The following AP2B1 variants were observed in gnomAD, a reference collection of about 807,000 sequenced individuals.
The protein encoded by AP2B1 is adaptor related protein complex 2 subunit beta 1, also known as AP-2 complex subunit beta.
In AP2B1, 23 loss-of-function variants were observed where a neutral mutation model predicts 102.0. The ratio of observed to expected loss-of-function variants is 0.23; its 90% CI spans 0.16 to 0.32. AP2B1 has a LOEUF of 0.32. AP2B1 is among the 10% of genes least tolerant of loss of function. The pLI, the probability that AP2B1 is intolerant of heterozygous loss-of-function variation, is 1.00. For missense variants in AP2B1, 541 were observed against 1,157.4 expected, an observed-to-expected ratio of 0.47 and a Z score of 7.73; for synonymous variants, 381 against 421.2, an observed-to-expected ratio of 0.90 and a Z score of 1.17.
intron 13 of AP2B1, among the ~76,000 whole-genome samples, chr17:35,655,116 TAAGCTTATGCAGTGGAG>T (rs2075185036): frequency 6.6e-6 from 1 of 152,210 alleles, no homozygotes; most frequent in South Asian, 2.1e-4. Context: ...CGGTCTGATA[TAAGCTTATGCAGTGGAG>T]AATATCTTCA....
intron 12 of AP2B1, among the ~76,000 whole-genome samples, chr17:35,643,654 G>A (rs1478716052): frequency 6.6e-6 from 1 of 152,200 alleles, no homozygotes; most frequent in Non-Finnish European, 1.5e-5. Flanking sequence ...ATTATTAATA[G>A]ACATCTGGAT....
chr17:35,633,502 A>G (rs1451845283), intron 9 of AP2B1, among the ~76,000 whole-genome samples: 1 of 152,180 alleles, frequency 6.6e-6, no homozygotes, highest in African/African-American at 2.4e-5. Flanking sequence ...ACTTCTAAAG[A>G]TCTTATTACA....
chr17:35,634,908 C>G (rs903327194), intron 9 of AP2B1, among the ~76,000 whole-genome samples: 4 of 152,220 alleles, frequency 2.6e-5, no homozygotes, highest in African/African-American at 9.6e-5. Flanking sequence ...AATTCTTATT[C>G]TTTCCTCCTA....
chr17:35,686,612 T>C (rs981512960), intron 18 of AP2B1, among the ~76,000 whole-genome samples: 2 of 152,216 alleles, frequency 1.3e-5, no homozygotes, highest in African/African-American at 4.8e-5. Flanking sequence ...AGCATCATTC[T>C]TTCAAGTTTT....
chr17:35,713,166 C>T (rs1346537636), intron 20 of AP2B1, among the ~76,000 whole-genome samples: 2 of 152,208 alleles, frequency 1.3e-5, no homozygotes, highest in African/African-American at 4.8e-5. Flanking sequence ...CCTTTGATGT[C>T]GTTTCTCAGA....
In AP2B1 at chr17:35,711,751, A is replaced by G. The variant is rs587687522; in HGVS notation, c.2626+1431A>G. On this transcript the variant is annotated intron_variant, in intron 20 of 21. Transcript: ENST00000610402. ...CTCCCAAAGTGCTGGGATTACAGGC[A>G]TGAGCCACTGCACCCAGCCCAGCTT... Among the ~76,000 whole-genome samples the G allele has an allele frequency of 7.7e-4, 117 of 152,336 alleles. 1 individual carries two copies. In the South Asian group the frequency reaches 0.02, roughly 26 times the overall value.
chr17:35,614,884 C>T (rs1036896395), intron 5 of AP2B1, among the ~76,000 whole-genome samples: 7 of 152,052 alleles, frequency 4.6e-5, no homozygotes, highest in African/African-American at 1.7e-4. Context: ...CTAGCCAGCA[C>T]GTAGACACAG....
chr17:35,642,641 G>A (rs2074814739), intron 12 of AP2B1, among the ~76,000 whole-genome samples: 1 of 152,120 alleles, frequency 6.6e-6, no homozygotes, highest in Non-Finnish European at 1.5e-5. Flanking sequence ...TTTGCTAACA[G>A]GCCGGCTTTT....
At position 35,717,271 on chromosome 17, in the gene AP2B1, G is replaced by A. The variant is rs1555590450; in HGVS notation, c.2703G>A (p.Leu901=). Residue 901 remains leucine, a synonymous_variant, in exon 21 of 22, where the codon CTG becomes CTA. Coordinates refer to ENST00000610402, the MANE Select transcript of AP2B1 (RefSeq NM_001030006.2). ...GGAATGTGGAAGGGCAGGACATGCT[G>A]TACCAATCCCTGAAGCTCACTAATG... ...AKRNVEGQDM[L]YQSLKLTNGI... 2 of 1,614,138 alleles carry A rather than the reference G, an allele frequency of 1.2e-6. No individual in the cohort carries two copies. The highest frequency in any genetic ancestry group is 1.7e-6 in the Non-Finnish European group (2 of 1,179,990).
chr17:35,685,848 C>T (rs1380345292), intron 18 of AP2B1, among the ~76,000 whole-genome samples: 2 of 152,060 alleles, frequency 1.3e-5, no homozygotes, highest in African/African-American at 4.8e-5. Flanking sequence ...CTGCAACCTC[C>T]GCCTCCCAGG....
At chr17:35,681,376 A>G (rs1458078538) in intron 17 of AP2B1, among the ~76,000 whole-genome samples, 1 of 152,162 alleles carries the variant, frequency 6.6e-6, no homozygotes, top group Non-Finnish European at 1.5e-5. Flanking sequence ...ACTTCTCTTT[A>G]CAGAGTAGAA....
chr17:35,717,115 C>G, intron 20 of AP2B1, 80 bp from the exon 21 acceptor site: 2 of 1,485,162 alleles, frequency 1.3e-6, no homozygotes, highest in Non-Finnish European at 1.8e-6. Flanking sequence ...ACACACATGG[C>G]TCATAAGGAT....
chr17:35,666,058 T>C (rs952144169), intron 14 of AP2B1, among the ~76,000 whole-genome samples: 6 of 152,234 alleles, frequency 3.9e-5, no homozygotes, highest in African/African-American at 1.4e-4. Context: ...TCTCTGTATT[T>C]CTGCTGTTGT....
intron 18 of AP2B1, among the ~76,000 whole-genome samples, chr17:35,691,905 AGAAATTCAATATATT>A (rs2076049794): frequency 1.3e-5 from 2 of 152,228 alleles, no homozygotes; most frequent in Non-Finnish European, 2.9e-5. Flanking sequence ...ATCTCATCTG[AGAAATTCAATATATT>A]ATGTATTAGA....
intron 20 of AP2B1, among the ~76,000 whole-genome samples, chr17:35,712,560 C>T (rs587646425): frequency 1.5e-4 from 23 of 151,886 alleles, no homozygotes; most frequent in South Asian, 6.2e-4. Flanking sequence ...ATCCAGGAGG[C>T]GGAGCTTGCA....
Position 35,698,299 on chromosome 17 carries a change from G to GT in AP2B1, c.2455-10916dup, listed in dbSNP as rs199846757. On this transcript the variant is annotated intron_variant, in intron 18 of 21. Coordinates refer to ENST00000610402, the MANE Select transcript of AP2B1 (RefSeq NM_001030006.2). ...GATTTTGTGTTGGAACTTTGAGGGT[G>GT]TTTTTTTTTGTTTTGTTTTGTTTTT... is the stretch of plus-strand genomic sequence containing the variant. Among the ~76,000 whole-genome samples the GT allele has an allele frequency of 7.6e-3, 1,138 of 150,578 alleles. 9 individuals carry two copies. The highest frequency in any genetic ancestry group is 0.021 in the African/African-American group (856 of 41,054).
At chr17:35,686,323 A>G (rs1453022471) in intron 18 of AP2B1, among the ~76,000 whole-genome samples, 1 of 152,208 alleles carries the variant, frequency 6.6e-6, no homozygotes, top group African/African-American at 2.4e-5. Context: ...AAACCTTAAT[A>G]AGTGTCTAAA....
At chr17:35,715,046 C>G (rs2076525988) in intron 20 of AP2B1, among the ~76,000 whole-genome samples, 1 of 152,230 alleles carries the variant, frequency 6.6e-6, no homozygotes, top group South Asian at 2.1e-4. Context: ...TTAGCAGAAT[C>G]TCATCATTCT....
intron 18 of AP2B1, among the ~76,000 whole-genome samples, chr17:35,689,143 C>T (rs2142997209): frequency 6.6e-6 from 1 of 152,228 alleles, no homozygotes; most frequent in African/African-American, 2.4e-5. Context: ...AAATCCCAGA[C>T]ATTTATATCA....
Sources: allele counts gnomAD v4.1 joint callset (sites outside exome capture counted in the v4.1 genomes callset), GRCh38; gene constraint gnomAD v4.1.1; transcripts MANE v1.5; gene names NCBI Gene and HGNC (gene_info 2026-07-23, HGNC 2026-07-21).